Variants in RBBP5 observed in about 807,000 individuals in gnomAD.
RBBP5 encodes retinoblastoma-binding protein 5.
Under a neutral mutation model 72.2 loss-of-function variants are expected in RBBP5, and 5 were observed. The ratio of observed to expected loss-of-function variants is 0.07; its 90% CI spans 0.04 to 0.15. RBBP5 has a LOEUF of 0.15. Ranked by LOEUF, RBBP5 falls within the 10% of genes least tolerant of loss-of-function variation. The pLI is 1.00. For synonymous variants in RBBP5, 209 were observed against 237.2 expected (o/e 0.88, Z 1.09); for missense variants, 322 against 652.2 (o/e 0.49, Z 5.51).
intron 4 of RBBP5, 58 bp downstream of exon 4, chr1:205,104,970 C>G: frequency 6.4e-7 from 1 of 1,565,914 alleles, no homozygotes; most frequent in Non-Finnish European, 8.8e-7. Context: ...ATCATGAGCC[C>G]AGAGCTAATC....
intron 5 of RBBP5, among the ~76,000 whole-genome samples, chr1:205,102,996 C>CA (rs376931698): frequency 0.36 from 41,664 of 117,108 alleles, 7,865 homozygotes; most frequent in Non-Finnish European, 0.47. Context: ...AACTCCATCT[C>CA]AAAAAAAAAA....
In RBBP5 at chr1:205,088,388, A is replaced by G. The variant is rs1655209963; in HGVS notation, c.*399T>C. 5.8e-6 allele frequency: 1 copy of G among 173,242 alleles called. No homozygotes were observed. Among genetic ancestry groups the G allele is most frequent in the African/African-American group, 2.4e-5 (1 of 41,854 alleles). The allele number at this position is 173,242 out of a possible 1,614,324, so 10.7% of individuals were successfully genotyped here. A position where few individuals can be genotyped will look rare whatever the true frequency, so the allele number is the denominator to read the frequency against. On this transcript the variant is annotated 3_prime_UTR_variant, in exon 14 of 14. Coordinates refer to ENST00000264515, the MANE Select transcript of RBBP5 (RefSeq NM_005057.4). ...AAAATTTCAGATAAGAAGTCACTCAAAGACATGCATTGAGGACCGAAGGCA... is the reference window on the plus strand; with the variant it reads ...AAAATTTCAGATAAGAAGTCACTCAGAGACATGCATTGAGGACCGAAGGCA...
At chr1:205,091,800 C>A (rs1655361323) in intron 13 of RBBP5, 1 of 152,146 alleles carries the variant, frequency 6.6e-6, no homozygotes, top group African/African-American at 2.4e-5. Flanking sequence ...GGCAGGGGGC[C>A]AAAACCTTGA....
At chr1:205,101,336 T>C (rs1348621311) in intron 6 of RBBP5, among the ~76,000 whole-genome samples, 2 of 152,228 alleles carry the variant, frequency 1.3e-5, no homozygotes, top group African/African-American at 4.8e-5. Flanking sequence ...GTGCTTACTA[T>C]ATGCCAGGCA....
intron 3 of RBBP5, among the ~76,000 whole-genome samples, chr1:205,113,512 A>C (rs769957119): frequency 7.9e-5 from 12 of 152,034 alleles, no homozygotes; most frequent in Non-Finnish European, 1.5e-4. Flanking sequence ...GAATCCTCTC[A>C]TCTCAGCCTC....
At chr1:205,102,721 C>T (rs1477007954) in intron 5 of RBBP5, among the ~76,000 whole-genome samples, 8 of 152,034 alleles carry the variant, frequency 5.3e-5, no homozygotes, top group South Asian at 2.1e-4. Context: ...AGGCCAGGCG[C>T]GGTGGTTCAC....
rs182344115 is a variant in RBBP5 at position 205,104,900 on chromosome 1, A to C, written c.359+128T>G. ...TAGAGCCAACCTAGATGGAAAGATT[A>C]TTTTATGTAGAAGGTTTGAAGAGAT... On this transcript the variant is annotated intron_variant, in intron 4 of 13. Coordinates refer to ENST00000264515, the MANE Select transcript of RBBP5 (RefSeq NM_005057.4). 250 of 1,079,864 alleles carry C rather than the reference A, an allele frequency of 2.3e-4. 1 individual carries two copies. In the African/African-American group the frequency reaches 3.5e-3, roughly 15 times the overall value. 66.9% of individuals were successfully genotyped at this position (1,079,864 alleles called of 1,614,324 possible). A position where few individuals can be genotyped will look rare whatever the true frequency, so the allele number is the denominator to read the frequency against.
At chr1:205,121,299 G>T (rs559683128) in intron 1 of RBBP5, among the ~76,000 whole-genome samples, 17 of 152,168 alleles carry the variant, frequency 1.1e-4, no homozygotes, top group Non-Finnish European at 2.4e-4. Context: ...ACCGTCCCTA[G>T]CAAAGGACCT....
rs138770797 is a variant in RBBP5 at position 205,088,186 on chromosome 1, G to A, written c.*601C>T. ...TACAGCCCAGCTTCTTGAGCAAAAC[G>A]TGGTATGAGAGGAAGAGAGGGCCTT... On this transcript the variant is annotated 3_prime_UTR_variant, in exon 14 of 14. Transcript: ENST00000264515. 2.6e-5 allele frequency: 4 copies of A among 152,232 alleles called. No individual in the cohort carries two copies. Among genetic ancestry groups the A allele is most frequent in the Admixed American group, 6.5e-5 (1 of 15,282 alleles). 9.4% of individuals were successfully genotyped at this position (152,232 alleles called of 1,614,324 possible). A position where few individuals can be genotyped will look rare whatever the true frequency, so the allele number is the denominator to read the frequency against.
At position 205,086,713 on chromosome 1, in the gene RBBP5, G is replaced by C. The variant is rs558722436; in HGVS notation, c.*2074C>G. 2 of 152,290 alleles carry C rather than the reference G, an allele frequency of 1.3e-5. No individual in the cohort carries two copies. The highest frequency in any genetic ancestry group is 3.4e-3 in the Middle Eastern group (1 of 294). The allele number at this position is 152,290 out of a possible 1,614,324, so 9.4% of individuals were successfully genotyped here. A position where few individuals can be genotyped will look rare whatever the true frequency, so the allele number is the denominator to read the frequency against. ...AAATAATTATTAGGAGCTACTGCCA[G>C]AGACAATCTGACAGGGCTGAAGATG... is the stretch of plus-strand genomic sequence containing the variant. On this transcript the variant is annotated 3_prime_UTR_variant, in exon 14 of 14. Transcript: ENST00000264515.
At chr1:205,100,981 G>A (rs1172778583) in intron 6 of RBBP5, among the ~76,000 whole-genome samples, 1 of 152,174 alleles carries the variant, frequency 6.6e-6, no homozygotes, top group Non-Finnish European at 1.5e-5. Context: ...GTGCTCCTAT[G>A]AGAATCTAAT....
chr1:205,107,963 A>AG (rs1452336341), intron 3 of RBBP5, among the ~76,000 whole-genome samples: 1 of 147,322 alleles, frequency 6.8e-6, no homozygotes, highest in Non-Finnish European at 1.5e-5. Context: ...AAAAAAAAAA[A>AG]GGCAGGCGCT....
chr1:205,093,482 ATATATATATATATATATATATATATAT>A (rs1558570273), intron 13 of RBBP5, among the ~76,000 whole-genome samples: 210 of 5,818 alleles, frequency 0.036, 25 homozygotes, highest in East Asian at 0.18. Flanking sequence ...AAAAAAAAAT[ATATATATATATATATATATATATATAT>A]ATATATATAT....
intron 4 of RBBP5, among the ~76,000 whole-genome samples, chr1:205,104,576 C>T (rs1655977857): frequency 6.6e-6 from 1 of 151,716 alleles, no homozygotes; most frequent in South Asian, 2.1e-4. Context: ...GGCGCAGTGG[C>T]TCATGCCTGT....
intron 13 of RBBP5, among the ~76,000 whole-genome samples, chr1:205,093,482 ATATATATATATATATATATATATATATAT>A (rs1558570277): frequency 0.02 from 115 of 5,828 alleles, 13 homozygotes; most frequent in East Asian, 0.15. Flanking sequence ...AAAAAAAAAT[ATATATATATATATATATATATATATATAT>A]ATATATATAT....
intron 11 of RBBP5, 100 bp from the exon 12 acceptor site, chr1:205,097,011 G>A (rs976528234): frequency 9.6e-7 from 1 of 1,042,910 alleles, no homozygotes; most frequent in South Asian, 1.7e-5. Flanking sequence ...ATAAGCAACA[G>A]GTATGGATCT....
At chr1:205,093,163 C>T (rs553823223) in intron 13 of RBBP5, among the ~76,000 whole-genome samples, 67 of 151,898 alleles carry the variant, frequency 4.4e-4, no homozygotes, top group African/African-American at 1.6e-3. Context: ...GGCTACTTTA[C>T]AATATATACA....
At position 205,100,778 on chromosome 1, in the gene RBBP5, C is replaced by T. The variant is rs576426258; in HGVS notation, c.633-507G>A. 2.6e-5 allele frequency among the ~76,000 whole-genome samples: 4 copies of T among 152,180 alleles called. No homozygotes were observed. The East Asian group carries it at 7.7e-4, about 29-fold the overall frequency. On this transcript the variant is annotated intron_variant, in intron 6 of 13. Coordinates refer to ENST00000264515, the MANE Select transcript of RBBP5 (RefSeq NM_005057.4). The stretch of plus-strand genomic sequence containing the variant: ...CAAGAGAATTTTGAACATTAATATC[C>T]TCTAAGTCAGCTGTCCCCAACATTT...
chr1:205,110,177 A>C (rs1377216752), intron 3 of RBBP5, among the ~76,000 whole-genome samples: 2 of 151,572 alleles, frequency 1.3e-5, no homozygotes, highest in African/African-American at 4.9e-5. Flanking sequence ...ATGTCACCGC[A>C]CCCAGCTAAT....
Sources: gnomAD v4.1 joint callset for allele counts (sites outside exome capture counted in the v4.1 genomes callset) on GRCh38, gnomAD v4.1.1 for gene constraint, MANE v1.5 for transcripts, NCBI Gene and HGNC (gene_info 2026-07-23, HGNC 2026-07-21) for gene names.